The following ARHGAP32 variants were observed in gnomAD, a reference collection of about 807,000 sequenced individuals.
ARHGAP32 encodes the protein Rho GTPase activating protein 32.
ARHGAP32 carries 51 observed loss-of-function variants against 186.5 expected under a neutral mutation model. The observed-to-expected ratio is 0.27, with a 90% confidence interval of 0.22 to 0.35. The LOEUF (loss-of-function observed/expected upper bound fraction) is 0.35. ARHGAP32 is among the 10% of genes least tolerant of loss of function. The pLI is 1.00. For synonymous variants in ARHGAP32, 950 were observed against 964.3 expected, an observed-to-expected ratio of 0.99 and a Z score of 0.27; for missense variants, 2,186 against 2,623.5, an observed-to-expected ratio of 0.83 and a Z score of 3.64.
chr11:128,969,079 G>A lies in ARHGAP32; in HGVS notation c.6134C>T (p.Ser2045Phe), dbSNP rs1321712590. 1.2e-6 allele frequency: 2 copies of A among 1,610,068 alleles called. No homozygotes were observed. The highest frequency in any genetic ancestry group is 8.5e-7 in the Non-Finnish European group (1 of 1,177,420). The part of the protein sequence containing the change: ...SQYDNLEDYH[S>F]LPQHQRGVFG... ...GACTCCTCGCTGGTGCTGAGGCAGG[G>A]AGTGGTAATCTTCCAGGTTATCATA... The change falls in exon 23 of 23, where the codon TCC (serine) becomes TTC (phenylalanine). Residue 2045 changes from serine (S) to phenylalanine (F), a missense_variant. Ser to Phe is a radical substitution (Grantham distance 155). Coordinates refer to ENST00000682385, the MANE Select transcript of ARHGAP32 (RefSeq NM_001378024.1). This position sits in a 1 kb window ranked among gnomAD's most constrained non-coding sequence, Gnocchi z 4.8.
At chr11:129,045,931 G>C (rs1481525568) in intron 10 of ARHGAP32, among the ~76,000 whole-genome samples, 2 of 152,204 alleles carry the variant, frequency 1.3e-5, no homozygotes, top group African/African-American at 2.4e-5. Flanking sequence ...GGCTGGAACA[G>C]GTTAGGAATG....
At chr11:129,248,879 C>A (rs1431235573) in intron 1 of ARHGAP32, among the ~76,000 whole-genome samples, 2 of 152,068 alleles carry the variant, frequency 1.3e-5, no homozygotes, top group Non-Finnish European at 2.9e-5. Context: ...CCTATTGTGT[C>A]CCAGGTACTG....
At chr11:128,975,044 G>C (rs1181895019) in intron 20 of ARHGAP32, 42 bp from the exon 21 acceptor site, 4 of 1,529,430 alleles carry the variant, frequency 2.6e-6, no homozygotes, top group East Asian at 2.3e-5. Flanking sequence ...GAACATCGTA[G>C]ATACAGAATG....
At chr11:129,111,399 C>T (rs571622615) in intron 5 of ARHGAP32, among the ~76,000 whole-genome samples, 8 of 152,168 alleles carry the variant, frequency 5.3e-5, no homozygotes, top group Non-Finnish European at 8.8e-5. Context: ...TGGTGTTATG[C>T]TAATGCTGGC....
chr11:129,087,087 G>A (rs1941430381), intron 6 of ARHGAP32, among the ~76,000 whole-genome samples: 1 of 152,126 alleles, frequency 6.6e-6, no homozygotes, highest in African/African-American at 2.4e-5. Context: ...CAAAAACACT[G>A]ACAACAAATG....
At chr11:129,020,200 A>G (rs1938536263) in intron 11 of ARHGAP32, among the ~76,000 whole-genome samples, 2 of 152,126 alleles carry the variant, frequency 1.3e-5, no homozygotes, top group Admixed American at 1.3e-4. Flanking sequence ...AAAAAAAATT[A>G]GGTTCTCTAA....
chr11:129,180,743 C>T (rs1260007742), intron 1 of ARHGAP32, among the ~76,000 whole-genome samples: 1 of 152,116 alleles, frequency 6.6e-6, no homozygotes, highest in South Asian at 2.1e-4. Flanking sequence ...ACCTAAGTAA[C>T]CTACTGCTGT....
intron 11 of ARHGAP32, among the ~76,000 whole-genome samples, chr11:129,034,098 C>T (rs756279304): frequency 3.9e-5 from 6 of 152,126 alleles, no homozygotes; most frequent in Non-Finnish European, 7.3e-5. Context: ...TCATCAATTT[C>T]TACATAGATT....
Position 128,970,746 on chromosome 11 carries a change from G to A in ARHGAP32, c.4467C>T (p.Ser1489=), listed in dbSNP as rs1196856222. 9.3e-6 allele frequency: 15 copies of A among 1,614,092 alleles called. No homozygotes were observed. Among genetic ancestry groups the A allele is most frequent in the Non-Finnish European group, 1.1e-5 (13 of 1,180,036 alleles). Residue 1489 remains serine, a synonymous_variant, in exon 23 of 23, where the codon TCC becomes TCT. Transcript: ENST00000682385. This position sits in a 1 kb window ranked among gnomAD's most constrained non-coding sequence, Gnocchi z 5.8. ...CAGTGGTGACATCGGGCCTAGCAAA[G>A]GAGGAGTAAACTGTTTTCTGAGAAG... The part of the protein sequence containing the change: ...KHASQKTVYS[S]FARPDVTTEP...
chr11:129,135,374 T>C (rs766241884), intron 2 of ARHGAP32, among the ~76,000 whole-genome samples: 22 of 152,224 alleles, frequency 1.4e-4, no homozygotes, highest in Non-Finnish European at 2.8e-4. Flanking sequence ...GCCAACAATA[T>C]GGTTATCTGA....
intron 12 of ARHGAP32, chr11:128,993,392 G>A (rs1435426743): frequency 6.6e-6 from 1 of 151,818 alleles, no homozygotes; most frequent in Non-Finnish European, 1.5e-5. Context: ...CTAGTGCAAG[G>A]TTAATTTTAT....
chr11:128,995,758 G>A (rs758413585), intron 12 of ARHGAP32, among the ~76,000 whole-genome samples: 25 of 152,224 alleles, frequency 1.6e-4, no homozygotes, highest in Non-Finnish European at 3.5e-4. Flanking sequence ...AGGACAGCTT[G>A]AGCCCAGGAG....
intron 5 of ARHGAP32, among the ~76,000 whole-genome samples, chr11:129,100,716 C>T (rs1352387128): frequency 1.3e-5 from 2 of 152,140 alleles, no homozygotes; most frequent in Admixed American, 1.3e-4. Flanking sequence ...TCCTCTCCCA[C>T]CCTGAGTGAC....
intron 1 of ARHGAP32, among the ~76,000 whole-genome samples, chr11:129,254,142 G>T (rs1945224097): frequency 6.6e-6 from 1 of 151,890 alleles, no homozygotes; most frequent in Admixed American, 6.6e-5. Flanking sequence ...CTACGCCCTT[G>T]TAACTCACCA....
chr11:129,220,310 A>G (rs1215273196), intron 1 of ARHGAP32, among the ~76,000 whole-genome samples: 1 of 152,198 alleles, frequency 6.6e-6, no homozygotes, highest in Non-Finnish European at 1.5e-5. Flanking sequence ...GGCAAAAGGA[A>G]GGGTCTGTAT....
At chr11:129,200,701 A>C (rs1173601775) in intron 1 of ARHGAP32, among the ~76,000 whole-genome samples, 1 of 152,218 alleles carries the variant, frequency 6.6e-6, no homozygotes, top group Non-Finnish European at 1.5e-5. Flanking sequence ...AATCTCTAAA[A>C]TAGAAAAAAT....
chr11:128,973,796 T>C, intron 21 of ARHGAP32: 1 of 508,854 alleles, frequency 2.0e-6, no homozygotes. Flanking sequence ...GCTTGTTAAC[T>C]TGGAAGGCTA....
At chr11:128,977,209 T>A (rs1012790627) in intron 19 of ARHGAP32, among the ~76,000 whole-genome samples, 6 of 152,104 alleles carry the variant, frequency 3.9e-5, no homozygotes, top group African/African-American at 1.2e-4. Context: ...GGGAAAAAAA[T>A]TCTGTTGTTT....
At chr11:129,116,481 A>G (rs995077362) in intron 5 of ARHGAP32, among the ~76,000 whole-genome samples, 15 of 152,074 alleles carry the variant, frequency 9.9e-5, no homozygotes, top group African/African-American at 3.1e-4. Context: ...ACTGCAGAAC[A>G]TGCAGAAAAG....
Sources: allele counts gnomAD v4.1 joint callset (sites outside exome capture counted in the v4.1 genomes callset), GRCh38; gene constraint gnomAD v4.1.1; non-coding constraint Gnocchi (gnomAD v3.1); transcripts MANE v1.5; gene names NCBI Gene and HGNC (gene_info 2026-07-23, HGNC 2026-07-21).